Variants in TRPC4AP observed in about 807,000 individuals in gnomAD.
TRPC4AP encodes transient receptor potential cation channel subfamily C member 4 associated protein, also known as short transient receptor potential channel 4-associated protein.
TRPC4AP carries 45 observed loss-of-function variants against 99.0 expected under a neutral mutation model. That is an observed-to-expected ratio of 0.45 (90% confidence interval 0.36 to 0.58). The LOEUF is 0.58. Ranked by LOEUF, TRPC4AP falls within the 20% of genes least tolerant of loss-of-function variation. The probability of loss-of-function intolerance (pLI) is 0.00; values close to 1 mark genes in which losing one functional copy is unlikely to be tolerated. For missense variants in TRPC4AP, 879 were observed against 985.3 expected, an observed-to-expected ratio of 0.89 and a Z score of 1.44; for synonymous variants, 408 against 385.8, an observed-to-expected ratio of 1.06 and a Z score of -0.67.
At chr20:35,069,806 T>C (rs1379549061) in intron 2 of TRPC4AP, among the ~76,000 whole-genome samples, 1 of 152,088 alleles carries the variant, frequency 6.6e-6, no homozygotes, top group Non-Finnish European at 1.5e-5. Context: ...CCGGATGTGG[T>C]GCTACACACC....
At position 35,008,672 on chromosome 20, in the gene TRPC4AP, C is replaced by G. The variant is rs564616218; in HGVS notation, c.1587G>C (p.Ser529=). 5.0e-6 allele frequency: 8 copies of G among 1,613,428 alleles called. No homozygotes were observed. The highest frequency in any genetic ancestry group is 1.1e-5 in the South Asian group (1 of 91,016). Residue 529 remains serine, a synonymous_variant, in exon 13 of 19, where the codon TCG becomes TCC. Coordinates refer to ENST00000252015, the MANE Select transcript of TRPC4AP (RefSeq NM_015638.3). ...CTTTTCCCCAGACTCACCTGAAAGA[C>G]GACTCTGCTGGCTCCTTCTTCATGA... ...LQVMKKEPAE[S]SFRFWQARAV...
intron 6 of TRPC4AP, among the ~76,000 whole-genome samples, chr20:35,048,693 C>CA (rs1429780337): frequency 6.6e-6 from 1 of 152,048 alleles, no homozygotes; most frequent in Non-Finnish European, 1.5e-5. Context: ...TTGGGGTACA[C>CA]AAAAAGGAAT....
intron 14 of TRPC4AP, 58 bp downstream of exon 14, chr20:35,007,481 GGACAGGACACA>G: frequency 6.7e-7 from 1 of 1,500,648 alleles, no homozygotes; most frequent in Non-Finnish European, 9.3e-7. Context: ...TTGGGGCTCA[GGACAGGACACA>G]GCAACGCGTG....
At chr20:35,067,837 G>A (rs2084183894) in intron 3 of TRPC4AP, among the ~76,000 whole-genome samples, 2 of 152,172 alleles carry the variant, frequency 1.3e-5, no homozygotes, top group Non-Finnish European at 2.9e-5. Context: ...TACTAGTGTG[G>A]GGAGAGGGGG....
chr20:35,017,636 G>A (rs1029045942), intron 9 of TRPC4AP, among the ~76,000 whole-genome samples: 8 of 152,096 alleles, frequency 5.3e-5, no homozygotes, highest in African/African-American at 1.7e-4. Flanking sequence ...TGATTGCAAC[G>A]GCACCTAACT....
At chr20:35,011,395 C>G (rs936517728) in intron 11 of TRPC4AP, among the ~76,000 whole-genome samples, 2 of 152,190 alleles carry the variant, frequency 1.3e-5, no homozygotes, top group Admixed American at 1.3e-4. Context: ...ACACGGCAGG[C>G]ACAGCACAGA....
intron 8 of TRPC4AP, among the ~76,000 whole-genome samples, chr20:35,029,905 G>T (rs2083136881): frequency 1.4e-5 from 2 of 144,614 alleles, no homozygotes; most frequent in East Asian, 4.3e-4. Flanking sequence ...CAAAGTGCTG[G>T]GATTACAGGC....
At chr20:35,060,039 C>T (rs1052101416) in intron 3 of TRPC4AP, among the ~76,000 whole-genome samples, 1 of 151,778 alleles carries the variant, frequency 6.6e-6, no homozygotes. Context: ...CAAAAAACTA[C>T]CCATAAAGAA....
At chr20:35,021,480 A>G in intron 8 of TRPC4AP, 124 bp from the exon 9 acceptor site, 1 of 1,099,762 alleles carries the variant, frequency 9.1e-7, no homozygotes, top group Non-Finnish European at 1.3e-6. Flanking sequence ...CCCAAAACAC[A>G]GACTCTGAAA....
intron 11 of TRPC4AP, 108 bp downstream of exon 11, chr20:35,012,900 C>A: frequency 2.6e-6 from 3 of 1,151,218 alleles, no homozygotes; most frequent in Non-Finnish European, 3.9e-6. Flanking sequence ...TGGGCTTCCA[C>A]CAGCTCCAGG....
chr20:35,039,380 C>A (rs190970473), intron 7 of TRPC4AP, among the ~76,000 whole-genome samples: 1 of 152,278 alleles, frequency 6.6e-6, no homozygotes, highest in East Asian at 1.9e-4. Context: ...AAGACCTTCT[C>A]CCCAGAAAAA....
chr20:35,028,979 T>C (rs2083099584), intron 8 of TRPC4AP, among the ~76,000 whole-genome samples: 1 of 152,108 alleles, frequency 6.6e-6, no homozygotes, highest in Non-Finnish European at 1.5e-5. Flanking sequence ...GGCTGGGTGG[T>C]GGTGGCTCAT....
In TRPC4AP at chr20:35,029,981, C is replaced by A. The variant is rs576655796; in HGVS notation, c.1051+5142G>T. Among the ~76,000 whole-genome samples, 101 of 143,036 alleles carry A rather than the reference C, an allele frequency of 7.1e-4. 1 individual carries two copies. In the South Asian group the frequency reaches 0.018, roughly 25 times the overall value. 93.8% of individuals were successfully genotyped at this position (143,036 alleles called of 152,430 possible). A position where few individuals can be genotyped will look rare whatever the true frequency, so the allele number is the denominator to read the frequency against. On this transcript the variant is annotated intron_variant, in intron 8 of 18. Coordinates refer to ENST00000252015, the MANE Select transcript of TRPC4AP (RefSeq NM_015638.3). ...TTGCTGGCTGGCGCGGTGGCTCATACCCGTAATCCCAGCACTTTGGGAGGC... is the reference window on the plus strand; with the variant it reads ...TTGCTGGCTGGCGCGGTGGCTCATAACCGTAATCCCAGCACTTTGGGAGGC...
chr20:35,060,313 A>C (rs1201751393), intron 3 of TRPC4AP, among the ~76,000 whole-genome samples: 1 of 152,164 alleles, frequency 6.6e-6, no homozygotes, highest in African/African-American at 2.4e-5. Flanking sequence ...TACTCCACGC[A>C]TGATGGCTTA....
At position 35,021,495 on chromosome 20, in the gene TRPC4AP, C is replaced by A. The variant is rs116717431; in HGVS notation, c.1052-139G>T. 4,080 of 952,614 alleles carry A rather than the reference C, an allele frequency of 4.3e-3. 42 individuals are homozygous for A. The highest frequency in any genetic ancestry group is 0.019 in the Middle Eastern group (54 of 2,884). The allele number at this position is 952,614 out of a possible 1,614,324, so 59.0% of individuals were successfully genotyped here. A position where few individuals can be genotyped will look rare whatever the true frequency, so the allele number is the denominator to read the frequency against. On this transcript the variant is annotated intron_variant, in intron 8 of 18. Coordinates refer to ENST00000252015, the MANE Select transcript of TRPC4AP (RefSeq NM_015638.3). ...CCCAAAACACAGACTCTGAAAGCTG[C>A]AAAACTCCCTCCACAATCCCAGGAG... is the stretch of plus-strand genomic sequence containing the variant.
chr20:35,086,009 G>A (rs542991797), intron 1 of TRPC4AP, among the ~76,000 whole-genome samples: 2 of 152,114 alleles, frequency 1.3e-5, no homozygotes, highest in African/African-American at 4.8e-5. Flanking sequence ...CGTCTCCTGG[G>A]CTCAAGTGAT....
intron 3 of TRPC4AP, among the ~76,000 whole-genome samples, chr20:35,067,319 A>G (rs1377527565): frequency 6.6e-6 from 1 of 152,204 alleles, no homozygotes; most frequent in African/African-American, 2.4e-5. Flanking sequence ...ACGCCATCTC[A>G]GTACTTTTTT....
chr20:35,007,489 C>T, intron 14 of TRPC4AP, 61 bp downstream of exon 14: 2 of 1,544,362 alleles, frequency 1.3e-6, no homozygotes, highest in Non-Finnish European at 1.8e-6. Flanking sequence ...CAGGACAGGA[C>T]ACAGCAACGC....
chr20:35,044,335 T>C (rs1041764857), intron 7 of TRPC4AP, among the ~76,000 whole-genome samples, 170 bp downstream of exon 7: 5 of 145,686 alleles, frequency 3.4e-5, no homozygotes, highest in African/African-American at 1.3e-4. Flanking sequence ...AAGGCTGCAG[T>C]GAGCCACGAT....
Sources: allele counts gnomAD v4.1 joint callset (sites outside exome capture counted in the v4.1 genomes callset), GRCh38; gene constraint gnomAD v4.1.1; transcripts MANE v1.5; gene names NCBI Gene and HGNC (gene_info 2026-07-23, HGNC 2026-07-21).